Variants in SIPA1L3 observed in about 807,000 individuals in gnomAD.
The protein encoded by SIPA1L3 is signal-induced proliferation-associated 1-like protein 3.
A neutral mutation model predicts 150.1 loss-of-function variants in SIPA1L3; 59 were observed. The ratio of observed to expected loss-of-function variants is 0.39; its 90% CI spans 0.32 to 0.49. The LOEUF (loss-of-function observed/expected upper bound fraction) is 0.49, where lower values mean the gene tolerates loss of function less well. Among genes scored for constraint, SIPA1L3 ranks in the 20% least tolerant of loss-of-function variants. The pLI, the probability that SIPA1L3 is intolerant of heterozygous loss-of-function variation, is 0.86. For synonymous variants in SIPA1L3, 1,070 were observed against 1,077.6 expected, an observed-to-expected ratio of 0.99 and a Z score of 0.14; for missense variants, 2,211 against 2,489.5, an observed-to-expected ratio of 0.89 and a Z score of 2.38.
intron 2 of SIPA1L3, among the ~76,000 whole-genome samples, chr19:38,030,313 G>C (rs1329891340): frequency 1.3e-5 from 2 of 151,998 alleles, no homozygotes; most frequent in Admixed American, 6.6e-5. Flanking sequence ...TGTGATCCCA[G>C]CACTTTGAGA....
chr19:38,157,216 C>T lies in SIPA1L3; in HGVS notation c.3661+4249C>T, dbSNP rs1018140625. 9.3e-4 allele frequency among the ~76,000 whole-genome samples: 141 copies of T among 152,268 alleles called. 1 individual carries two copies. The highest frequency in any genetic ancestry group is 2.5e-3 in the Admixed American group (38 of 15,292). On this transcript the variant is annotated intron_variant, in intron 13 of 21. Coordinates refer to ENST00000222345, the MANE Select transcript of SIPA1L3 (RefSeq NM_015073.3). ...ACTAAAGATGGCAAGGATCAGGCTTCGCAGCAGATGTGGGGGTTTGCCCAG... is the reference window on the plus strand; with the variant it reads ...ACTAAAGATGGCAAGGATCAGGCTTTGCAGCAGATGTGGGGGTTTGCCCAG...
chr19:37,920,253 C>G (rs1369474106), intron 1 of SIPA1L3, among the ~76,000 whole-genome samples: 1 of 151,724 alleles, frequency 6.6e-6, no homozygotes, highest in East Asian at 1.9e-4. Flanking sequence ...GAGATGGGAT[C>G]TCTCTATGTT....
chr19:38,082,159 C>T lies in SIPA1L3; in HGVS notation c.594C>T (p.Leu198=). ...RGARHTGALP[L]FREYGSTSSI... ...CCCGGCACACGGGGGCGCTGCCCCT[C>T]TTCCGCGAGTACGGGAGCACCTCGT... Residue 198 remains leucine (L), a synonymous_variant, in exon 3 of 22, where the codon CTC becomes CTT. Transcript: ENST00000222345. The T allele has an allele frequency of 3.1e-6, 5 of 1,605,646 alleles. No individual in the cohort carries two copies. Among genetic ancestry groups the T allele is most frequent in the Non-Finnish European group, 4.2e-6 (5 of 1,179,650 alleles).
At chr19:37,938,553 T>C (rs1313285007) in intron 1 of SIPA1L3, among the ~76,000 whole-genome samples, 1 of 152,164 alleles carries the variant, frequency 6.6e-6, no homozygotes, top group Non-Finnish European at 1.5e-5. Context: ...CAGAATATCT[T>C]TTCATTCATG....
intron 2 of SIPA1L3, among the ~76,000 whole-genome samples, chr19:38,072,929 A>G (rs1008586775): frequency 7.9e-5 from 12 of 152,208 alleles, no homozygotes; most frequent in South Asian, 2.1e-4. Context: ...CGCAGGGGCA[A>G]TCTGGGAGCA....
chr19:38,106,547 G>A lies in SIPA1L3; in HGVS notation c.2040G>A (p.Thr680=), dbSNP rs150107624. 37 of 1,612,990 alleles carry A rather than the reference G, an allele frequency of 2.3e-5. No individual in the cohort carries two copies. Among genetic ancestry groups the A allele is most frequent in the African/African-American group, 6.7e-5 (5 of 74,876 alleles). ...AAQLDVKTDS[T]GTHSLYTMYQ... The stretch of plus-strand genomic sequence containing the variant: ...GCATTTCTGTTTCAGCCGACTCCAC[G>A]GGAACCCACTCCCTCTACACGATGT... The change falls in exon 7 of 22, where the codon ACG becomes ACA. Residue 680 remains threonine (T), a synonymous_variant. Coordinates refer to ENST00000222345, the MANE Select transcript of SIPA1L3 (RefSeq NM_015073.3).
At chr19:37,928,910 C>A (rs2046529244) in intron 1 of SIPA1L3, among the ~76,000 whole-genome samples, 1 of 152,198 alleles carries the variant, frequency 6.6e-6, no homozygotes, top group Non-Finnish European at 1.5e-5. Flanking sequence ...CTCCTTCAAG[C>A]CACTCTGCCA....
At chr19:38,005,835 G>A (rs1967926731) in intron 1 of SIPA1L3, among the ~76,000 whole-genome samples, 1 of 152,246 alleles carries the variant, frequency 6.6e-6, no homozygotes, top group African/African-American at 2.4e-5. Flanking sequence ...ACTGCTGCAG[G>A]CCAGGAGTTC....
chr19:38,136,599 G>C (rs950424846), intron 10 of SIPA1L3, among the ~76,000 whole-genome samples: 1 of 152,006 alleles, frequency 6.6e-6, no homozygotes, highest in Non-Finnish European at 1.5e-5. Context: ...GCAAGACTCC[G>C]TCTCAAAAAA....
At position 37,926,912 on chromosome 19, in the gene SIPA1L3, C is replaced by T. The variant is rs114551914; in HGVS notation, c.-379+19554C>T. ...CATGAAGCCACTCCTTTAAGCCTCC[C>T]GACAACCCTGGAAGATATTATTCTC... On this transcript the variant is annotated intron_variant, in intron 1 of 21. Coordinates refer to ENST00000222345, the MANE Select transcript of SIPA1L3 (RefSeq NM_015073.3). 5.5e-3 allele frequency among the ~76,000 whole-genome samples: 836 copies of T among 152,106 alleles called. 7 individuals carry two copies. Among genetic ancestry groups the T allele is most frequent in the African/African-American group, 0.019 (776 of 41,476 alleles).
At chr19:37,934,113 C>T (rs1165928958) in intron 1 of SIPA1L3, among the ~76,000 whole-genome samples, 2 of 152,110 alleles carry the variant, frequency 1.3e-5, no homozygotes, top group African/African-American at 2.4e-5. Context: ...ATAGCTGACA[C>T]GTCCTCATCT....
intron 1 of SIPA1L3, among the ~76,000 whole-genome samples, chr19:38,006,984 G>C (rs73631984): frequency 2.0e-5 from 3 of 152,210 alleles, no homozygotes; most frequent in Admixed American, 2.0e-4. Context: ...GTAGAGTAAG[G>C]CCCTGATAAG....
chr19:38,150,576 A>G (rs961158677), intron 12 of SIPA1L3, among the ~76,000 whole-genome samples: 15 of 138,352 alleles, frequency 1.1e-4, no homozygotes, highest in Admixed American at 1.1e-3. Flanking sequence ...TCTGTTGTCC[A>G]GGCTGGAGCG....
rs369762947 is a variant in SIPA1L3, at chr19:37,962,146, C to CTTTTTT, written c.-379+54798_-379+54803dup. The stretch of plus-strand genomic sequence containing the variant: ...TGTGTCTCACAATTTTTCTTTCATT[C>CTTTTTT]TTTTTTTTTTTTTTTGAGACAGAGT... On this transcript the variant is annotated intron_variant, in intron 1 of 21. Transcript: ENST00000222345. Among the ~76,000 whole-genome samples, 9 of 142,246 alleles carry CTTTTTT rather than the reference C, an allele frequency of 6.3e-5. 2 individuals are homozygous for CTTTTTT. The highest frequency in any genetic ancestry group is 1.4e-4 in the Admixed American group (2 of 14,306). 93.3% of individuals were successfully genotyped at this position (142,246 alleles called of 152,430 possible). A position where few individuals can be genotyped will look rare whatever the true frequency, so the allele number is the denominator to read the frequency against.
At chr19:37,994,041 T>G in intron 1 of SIPA1L3, among the ~76,000 whole-genome samples, 1 of 152,110 alleles carries the variant, frequency 6.6e-6, no homozygotes, top group East Asian at 1.9e-4. Flanking sequence ...ACTATAGGTG[T>G]GCACCACCAC....
rs1046216100 is a variant in SIPA1L3 at position 37,915,526 on chromosome 19, C to T, written c.-379+8168C>T. Among the ~76,000 whole-genome samples, 13 of 152,008 alleles carry T rather than the reference C, an allele frequency of 8.6e-5. 1 individual carries two copies. Among genetic ancestry groups the T allele is most frequent in the South Asian group, 4.2e-4 (2 of 4,816 alleles). On this transcript the variant is annotated intron_variant, in intron 1 of 21. Transcript: ENST00000222345. ...CCTCCTGAGTACCTGGAGTTACAGG[C>T]GCCCACCGCCACTCCCAGCTAATTT...
intron 1 of SIPA1L3, among the ~76,000 whole-genome samples, chr19:38,027,184 G>A (rs1204475360): frequency 6.6e-6 from 1 of 152,074 alleles, no homozygotes; most frequent in Admixed American, 6.6e-5. Context: ...CCAGCTACTC[G>A]GGAGGCTGAG....
At chr19:38,062,008 C>T (rs1160579993) in intron 2 of SIPA1L3, among the ~76,000 whole-genome samples, 1 of 151,498 alleles carries the variant, frequency 6.6e-6, no homozygotes, top group Non-Finnish European at 1.5e-5. Flanking sequence ...ATTGCTGCTC[C>T]CCACCCCTCA....
chr19:38,085,951 G>C (rs1388714561), intron 3 of SIPA1L3, among the ~76,000 whole-genome samples: 4 of 151,976 alleles, frequency 2.6e-5, no homozygotes. Flanking sequence ...AGCCGAGATC[G>C]CACCATCACA....
Sources: gnomAD v4.1 joint callset for allele counts (sites outside exome capture counted in the v4.1 genomes callset) on GRCh38, gnomAD v4.1.1 for gene constraint, MANE v1.5 for transcripts, NCBI Gene and HGNC (gene_info 2026-07-23, HGNC 2026-07-21) for gene names.